Variants in BSG observed in about 807,000 individuals in gnomAD.
BSG encodes basigin.
A neutral mutation model predicts 43.1 loss-of-function variants in BSG; 37 were observed. The ratio of observed to expected loss-of-function variants is 0.86; its 90% CI spans 0.66 to 1.13. The LOEUF (loss-of-function observed/expected upper bound fraction) is 1.13. BSG is among the 50% of genes most tolerant of loss of function. BSG has a pLI of 0.00. For missense variants in BSG, 599 were observed against 554.2 expected (o/e 1.08, Z -0.81); for synonymous variants, 309 against 238.7 (o/e 1.29, Z -2.72).
upstream of BSG, chr19:571,812 C>G (rs1442122655): frequency 3.2e-5 from 18 of 566,436 alleles, no homozygotes; most frequent in Non-Finnish European, 5.7e-5. Context: ...CGCCCACAAT[C>G]TAAGCTGATC....
intron 6 of BSG, among the ~76,000 whole-genome samples, chr19:581,945 G>A (rs937479249): frequency 2.0e-5 from 3 of 152,240 alleles, no homozygotes; most frequent in African/African-American, 4.8e-5. Flanking sequence ...GCTGTGCTCC[G>A]GCAGCCCCTG....
rs1568346078 is a variant in BSG, at chr19:572,857, C to T, written c.67+156C>T. Among the ~76,000 whole-genome samples the T allele has an allele frequency of 2.0e-5, 3 of 152,140 alleles. No individual in the cohort carries two copies. In the South Asian group the frequency reaches 6.2e-4, roughly 32 times the overall value. ...GGGGGCTTCCCGCGCCAGCATGGAGCTTGGGGGTGAAGTCCCAGGGTTTGA... is the reference window on the plus strand; with the variant it reads ...GGGGGCTTCCCGCGCCAGCATGGAGTTTGGGGGTGAAGTCCCAGGGTTTGA... On this transcript the variant is annotated intron_variant, in intron 1 of 8. Coordinates refer to ENST00000333511, the MANE Select transcript of BSG (RefSeq NM_001728.4).
chr19:576,894 C>T (rs889305596), intron 1 of BSG, among the ~76,000 whole-genome samples: 2 of 152,254 alleles, frequency 1.3e-5, no homozygotes, highest in African/African-American at 4.8e-5. Context: ...CACTGCCACG[C>T]AGCCTCGGAG....
intron 8 of BSG, 25 bp downstream of exon 8, chr19:582,607 G>A (rs1458545686): frequency 1.4e-6 from 2 of 1,480,616 alleles, no homozygotes; most frequent in East Asian, 2.4e-5. Flanking sequence ...AGCTCCTCCT[G>A]AGCCAGGTGT....
At chr19:574,401 A>G (rs187186896) in intron 1 of BSG, among the ~76,000 whole-genome samples, 144 of 152,264 alleles carry the variant, frequency 9.5e-4, no homozygotes, top group Non-Finnish European at 8.8e-4. Flanking sequence ...AAAATACAAA[A>G]AATTAGCCTG....
chr19:579,388 T>G (rs778810435), intron 2 of BSG, 112 bp from the exon 3 acceptor site: 4 of 1,443,350 alleles, frequency 2.8e-6, no homozygotes, highest in Non-Finnish European at 3.8e-6. Flanking sequence ...GGTGTATTTT[T>G]GGGATGAAAA....
chr19:572,474 G>C (rs1981329469), upstream of BSG: 1 of 1,170,404 alleles, frequency 8.5e-7, no homozygotes, highest in Non-Finnish European at 1.1e-6. Context: ...GCGTGTGCGC[G>C]CGTGCGCAGG....
intron 5 of BSG, among the ~76,000 whole-genome samples, chr19:581,038 C>T (rs1299747955): frequency 1.2e-5 from 1 of 82,168 alleles, no homozygotes; most frequent in African/African-American, 6.6e-5. Context: ...GACTGGGGGT[C>T]CCGGACCCAG....
At chr19:578,734 A>ATT (rs369117622) in intron 2 of BSG, 101 of 244,470 alleles carry the variant, frequency 4.1e-4, no homozygotes, top group Middle Eastern at 1.6e-3. Context: ...TGCTGTGGCT[A>ATT]TTTTTTTTTT....
chr19:579,345 T>G (rs1425082261), intron 2 of BSG, 155 bp from the exon 3 acceptor site: 1 of 1,042,864 alleles, frequency 9.6e-7, no homozygotes, highest in Non-Finnish European at 1.4e-6. Context: ...GAAGTTCCCC[T>G]TGGGCCTCCG....
In BSG at chr19:580,651, C is replaced by T. The variant is rs1982209541; in HGVS notation, c.661C>T (p.Pro221Ser). The T allele has an allele frequency of 6.2e-7, 1 of 1,612,716 alleles. No individual in the cohort carries two copies. The highest frequency in any genetic ancestry group is 1.3e-5 in the African/African-American group (1 of 74,934). Residue 221 changes from proline (P) to serine (S), a missense_variant, in exon 5 of 9, where the codon CCC (proline) becomes TCC (serine). Physicochemically the swap from Pro to Ser is moderately conservative, Grantham distance 74. Coordinates refer to ENST00000333511, the MANE Select transcript of BSG (RefSeq NM_001728.4). ...CTCTCTCACCCTCCTGTCAGGGCCT[C>T]CCAGAGTGAAGGCTGTGAAGTCGTC... ...GTANIQLHGP[P>S]RVKAVKSSEH...
intron 3 of BSG, chr19:579,922 T>A (rs1982135772): frequency 3.9e-6 from 2 of 511,346 alleles, no homozygotes; most frequent in Non-Finnish European, 6.9e-6. Context: ...GGCGCCACAC[T>A]GCCAGGTCCC....
upstream of BSG, chr19:571,519 C>G: frequency 1.3e-6 from 1 of 779,368 alleles, no homozygotes; most frequent in South Asian, 1.3e-5. Context: ...TCGGGCGGGA[C>G]CCGATCCTCC....
rs1326413389 is a variant in BSG, at chr19:581,600, TCTGCCCTC to T, written c.1069+16_1069+23del. On this transcript the variant is annotated intron_variant, in intron 6 of 8. Coordinates refer to ENST00000333511, the MANE Select transcript of BSG (RefSeq NM_001728.4). ...CGAGGACGTCCTGGATGGTGAGCCGTCTGCCCTCCTGCCCACATGCCCTGCTCTCGGGG... is the reference window on the plus strand; with the variant it reads ...CGAGGACGTCCTGGATGGTGAGCCGTCTGCCCACATGCCCTGCTCTCGGGG... The T allele has an allele frequency of 7.0e-6, 11 of 1,578,116 alleles. No homozygotes were observed. The highest frequency in any genetic ancestry group is 2.3e-5 in the East Asian group (1 of 43,330).
At chr19:578,598 G>A (rs1250288727) in intron 2 of BSG, among the ~76,000 whole-genome samples, 2 of 152,258 alleles carry the variant, frequency 1.3e-5, no homozygotes, top group Admixed American at 6.5e-5. Flanking sequence ...AGATTTGCTT[G>A]GTTGGGGATT....
intron 2 of BSG, 194 bp downstream of exon 2, chr19:578,315 G>A (rs1436227872): frequency 1.5e-5 from 8 of 517,826 alleles, no homozygotes; most frequent in Admixed American, 3.9e-5. Flanking sequence ...AGCGCTGGGC[G>A]GCCTGGCTCG....
At chr19:572,518 C>G (rs1173678413), upstream of BSG, 2 of 1,231,250 alleles carry the variant, frequency 1.6e-6, no homozygotes, top group Non-Finnish European at 2.0e-6. Context: ...CTCGCCCCGC[C>G]CCCGAGATGA....
intron 1 of BSG, among the ~76,000 whole-genome samples, chr19:573,179 G>T (rs1171043764): frequency 3.3e-5 from 5 of 152,180 alleles, no homozygotes; most frequent in African/African-American, 1.2e-4. Context: ...GTCCCCTTTG[G>T]CCTGGAGCCA....
chr19:577,436 G>A (rs7245585), intron 1 of BSG, among the ~76,000 whole-genome samples: 16 of 151,756 alleles, frequency 1.1e-4, no homozygotes, highest in Non-Finnish European at 2.1e-4. Flanking sequence ...TCAGAGGACG[G>A]TGCGCTTGGG....
Sources: allele counts gnomAD v4.1 joint callset (sites outside exome capture counted in the v4.1 genomes callset), GRCh38; gene constraint gnomAD v4.1.1; transcripts MANE v1.5; gene names NCBI Gene and HGNC (gene_info 2026-07-23, HGNC 2026-07-21).